KAZN: variants seen among roughly 807,000 people sequenced by gnomAD.
KAZN encodes the protein kazrin.
KAZN carries 40 observed loss-of-function variants against 87.4 expected under a neutral mutation model. That is an observed-to-expected ratio of 0.46 (90% CI 0.36 to 0.60). The LOEUF (loss-of-function observed/expected upper bound fraction) is 0.60. KAZN is among the 20% of genes least tolerant of loss of function. KAZN has a pLI of 0.00. For missense variants in KAZN, 898 were observed against 1,073.9 expected, an observed-to-expected ratio of 0.84 and a Z score of 2.29; for synonymous variants, 466 against 458.3, an observed-to-expected ratio of 1.02 and a Z score of -0.22.
intron 2 of KAZN, chr1:14,390,780 GA>G (rs140710101): frequency 0.039 from 5,962 of 152,486 alleles, 316 homozygotes; most frequent in East Asian, 0.28. Context: ...GAAGGGCAAA[GA>G]GGCAAAAGAA....
At chr1:14,065,307 TC>T (rs1642965457) in intron 1 of KAZN, among the ~76,000 whole-genome samples, 2 of 152,122 alleles carry the variant, frequency 1.3e-5, no homozygotes, top group East Asian at 3.9e-4. Context: ...CTGGCATAGT[TC>T]CAAAACCTTA....
chr1:13,930,560 GT>G (rs1415650000), intron 1 of KAZN, among the ~76,000 whole-genome samples: 1 of 152,072 alleles, frequency 6.6e-6, no homozygotes, highest in Non-Finnish European at 1.5e-5. Flanking sequence ...ATGCTACTAT[GT>G]GGTGCTGTGC....
At chr1:14,591,523 G>A (rs1676202893) in intron 2 of KAZN, among the ~76,000 whole-genome samples, 1 of 151,998 alleles carries the variant, frequency 6.6e-6, no homozygotes, top group African/African-American at 2.4e-5. Context: ...AAGTATATAT[G>A]CTTATGTGTT....
chr1:15,032,120 A>G (rs4661311), intron 2 of KAZN, among the ~76,000 whole-genome samples: 118,652 of 146,794 alleles, frequency 0.81, 48,214 homozygotes, highest in Admixed American at 0.86. Context: ...CCCCACACCC[A>G]GCCCGAGGCA....
chr1:14,807,267 C>T (rs546154458), intron 1 of KAZN, among the ~76,000 whole-genome samples: 9 of 152,298 alleles, frequency 5.9e-5, no homozygotes, highest in African/African-American at 2.2e-4. Context: ...CTGGAAGAGG[C>T]AGCAGCCACC....
At chr1:14,512,004 G>A (rs527578033) in intron 2 of KAZN, among the ~76,000 whole-genome samples, 1 of 152,262 alleles carries the variant, frequency 6.6e-6, no homozygotes, top group Admixed American at 6.5e-5. Flanking sequence ...GGAAAGGGAG[G>A]TCAGGATGGA....
rs192331721 is a variant in KAZN, at chr1:14,851,149, C to T, written c.227-109535C>T. 1.9e-3 allele frequency among the ~76,000 whole-genome samples: 288 copies of T among 152,246 alleles called. 1 individual carries two copies. Among genetic ancestry groups the T allele is most frequent in the African/African-American group, 6.5e-3 (270 of 41,554 alleles). ...CCCAGCCCACCTCTCCCCTCCTAGACGGCTCACAGCTGTATTAGGGAGATG... is the reference window on the plus strand; with the variant it reads ...CCCAGCCCACCTCTCCCCTCCTAGATGGCTCACAGCTGTATTAGGGAGATG... On this transcript the variant is annotated intron_variant, in intron 1 of 14. Coordinates refer to ENST00000376030, the MANE Select transcript of KAZN (RefSeq NM_201628.3).
At chr1:15,067,823 G>C (rs1003590230) in intron 8 of KAZN, 1 of 982,772 alleles carries the variant, frequency 1.0e-6, no homozygotes, top group African/African-American at 1.8e-5. Flanking sequence ...CTTTCTCTAC[G>C]GAGACAGATT....
chr1:13,982,477 G>A (rs897388778), intron 1 of KAZN, among the ~76,000 whole-genome samples: 9 of 152,236 alleles, frequency 5.9e-5, no homozygotes, highest in Admixed American at 1.3e-4. Flanking sequence ...GACCCAAAGA[G>A]TGAGCAGTAG....
At chr1:15,086,328 T>A (rs1640256006) in intron 8 of KAZN, among the ~76,000 whole-genome samples, 1 of 152,200 alleles carries the variant, frequency 6.6e-6, no homozygotes, top group South Asian at 2.1e-4. Flanking sequence ...TGCAGTGGAC[T>A]TCTCTATAGC....
Position 15,099,615 on chromosome 1 carries a change from G to A in KAZN, c.1548-1928G>A, listed in dbSNP as rs1640959622. On this transcript the variant is annotated intron_variant, in intron 10 of 14. Transcript: ENST00000376030. The surrounding 1 kb of genome is among the most constrained non-coding windows in gnomAD (Gnocchi z 5.4). ...ACCCCAAGCCCCATGTGCGTTGGGG[G>A]AGGGGAAGTCAGCCAGGGCCAGTGC... 6.6e-6 allele frequency among the ~76,000 whole-genome samples: 1 copy of A among 152,178 alleles called. No individual in the cohort carries two copies. Among genetic ancestry groups the A allele is most frequent in the Non-Finnish European group, 1.5e-5 (1 of 68,020 alleles).
intron 1 of KAZN, among the ~76,000 whole-genome samples, chr1:13,896,002 T>TA (rs397786120): frequency 4.6e-5 from 7 of 151,892 alleles, no homozygotes; most frequent in African/African-American, 1.7e-4. Flanking sequence ...TTTTTTTTTT[T>TA]ATTTTTTGAG....
chr1:14,599,747 T>A lies in KAZN; in HGVS notation c.226+524T>A, dbSNP rs986770990. Among the ~76,000 whole-genome samples, 1 of 152,222 alleles carries A rather than the reference T, an allele frequency of 6.6e-6. No homozygotes were observed. Among genetic ancestry groups the A allele is most frequent in the Non-Finnish European group, 1.5e-5 (1 of 68,036 alleles). On this transcript the variant is annotated intron_variant, in intron 1 of 14. Coordinates refer to ENST00000376030, the MANE Select transcript of KAZN (RefSeq NM_201628.3). The surrounding 1 kb of genome is among the most constrained non-coding windows in gnomAD (Gnocchi z 4.4). The stretch of plus-strand genomic sequence containing the variant: ...ATCTGGACTTTATTTTCTTCTCATT[T>A]GAGGTCTCTCAGGCATTGGAATCTA...
At chr1:14,800,664 A>T (rs1209593380) in intron 1 of KAZN, among the ~76,000 whole-genome samples, 2 of 152,194 alleles carry the variant, frequency 1.3e-5, no homozygotes. Flanking sequence ...TGATTGCAAC[A>T]CCACACTCCA....
rs7522074 is a variant in KAZN, at chr1:15,088,588, T to A, written c.1223-5592T>A. On this transcript the variant is annotated intron_variant, in intron 8 of 14. Coordinates refer to ENST00000376030, the MANE Select transcript of KAZN (RefSeq NM_201628.3). ...CTGGCCATCAACATGAGTTATTCCC[T>A]CTCTCAAGACTGAGAAGGAGGGAAA... 7.9e-3 allele frequency among the ~76,000 whole-genome samples: 1,195 copies of A among 152,038 alleles called. 9 individuals carry two copies. The highest frequency in any genetic ancestry group is 0.026 in the African/African-American group (1,084 of 41,446).
intron 2 of KAZN, chr1:14,349,301 T>G (rs1309063091): frequency 6.6e-6 from 1 of 152,152 alleles, no homozygotes; most frequent in African/African-American, 2.4e-5. Context: ...GAAGAGAGAT[T>G]AAGGCAGGGG....
At chr1:15,023,894 T>G (rs1573093142) in intron 2 of KAZN, among the ~76,000 whole-genome samples, 6 of 118,432 alleles carry the variant, frequency 5.1e-5, no homozygotes, top group South Asian at 3.3e-4. Context: ...GGGGGTGGAG[T>G]ATGAGAAAAG....
intron 1 of KAZN, among the ~76,000 whole-genome samples, chr1:13,978,077 G>A (rs1005373437): frequency 6.6e-5 from 9 of 135,582 alleles, no homozygotes; most frequent in African/African-American, 1.1e-4. Context: ...GCAGTGAGCC[G>A]AGATCGTGCC....
At chr1:14,061,880 G>A (rs1642809875) in intron 1 of KAZN, among the ~76,000 whole-genome samples, 1 of 152,130 alleles carries the variant, frequency 6.6e-6, no homozygotes, top group South Asian at 2.1e-4. Context: ...AGACTGTCGA[G>A]GTCACCAAGA....
Sources: gnomAD v4.1 joint callset for allele counts (sites outside exome capture counted in the v4.1 genomes callset) on GRCh38, gnomAD v4.1.1 for gene constraint, Gnocchi (gnomAD v3.1) non-coding constraint, MANE v1.5 for transcripts, NCBI Gene and HGNC (gene_info 2026-07-23, HGNC 2026-07-21) for gene names.